Variants in LRMDA observed in about 807,000 individuals in gnomAD.
LRMDA encodes leucine-rich melanocyte differentiation-associated protein.
LRMDA carries 18 observed loss-of-function variants against 29.8 expected under a neutral mutation model. The observed-to-expected ratio is 0.60, with a 90% CI of 0.42 to 0.90. The LOEUF is 0.90. LRMDA is among the 40% of genes least tolerant of loss of function. The probability of loss-of-function intolerance (pLI) is 0.00; values close to 1 mark genes in which losing one functional copy is unlikely to be tolerated. For missense variants in LRMDA, 273 were observed against 273.9 expected (o/e 1.00, Z 0.02); for synonymous variants, 125 against 109.4 (o/e 1.14, Z -0.89).
intron 5 of LRMDA, among the ~76,000 whole-genome samples, chr10:76,264,204 G>A (rs564025369): frequency 6.6e-6 from 1 of 152,032 alleles, no homozygotes; most frequent in East Asian, 1.9e-4. Flanking sequence ...TTCAAGACCA[G>A]CCTGGCCAAC....
At chr10:75,456,519 A>C (rs1241462645) in intron 2 of LRMDA, among the ~76,000 whole-genome samples, 8 of 152,104 alleles carry the variant, frequency 5.3e-5, no homozygotes. Flanking sequence ...CCTTTGCAGA[A>C]ACTCTGTCTC....
At chr10:76,086,005 C>T (rs1849128147) in intron 5 of LRMDA, among the ~76,000 whole-genome samples, 1 of 152,208 alleles carries the variant, frequency 6.6e-6, no homozygotes. Context: ...CTCTTCTGCA[C>T]CACCCCCCGC....
intron 2 of LRMDA, among the ~76,000 whole-genome samples, chr10:75,745,994 C>G (rs138559601): frequency 6.4e-4 from 97 of 152,324 alleles, no homozygotes; most frequent in African/African-American, 2.3e-3. Flanking sequence ...AGCCTGGCTT[C>G]TCACTAGAAA....
chr10:76,381,840 A>C (rs1841596584), intron 6 of LRMDA, among the ~76,000 whole-genome samples: 1 of 152,158 alleles, frequency 6.6e-6, no homozygotes, highest in South Asian at 2.1e-4. Flanking sequence ...GGATGGATTG[A>C]GAAGTAGAGA....
chr10:75,496,987 CT>C (rs111856236), intron 2 of LRMDA, among the ~76,000 whole-genome samples: 74 of 145,712 alleles, frequency 5.1e-4, no homozygotes, highest in Middle Eastern at 3.5e-3. Flanking sequence ...CCTGGCCTAG[CT>C]TTTTTTTTTT....
At chr10:75,606,905 T>C (rs1840963336) in intron 2 of LRMDA, among the ~76,000 whole-genome samples, 2 of 152,214 alleles carry the variant, frequency 1.3e-5, no homozygotes. Flanking sequence ...AAGGATGTTA[T>C]GATAATCCAA....
chr10:76,422,878 G>A (rs935114261), intron 6 of LRMDA, among the ~76,000 whole-genome samples: 1 of 152,160 alleles, frequency 6.6e-6, no homozygotes, highest in Non-Finnish European at 1.5e-5. Context: ...TGGATTTATA[G>A]CAATTTACTT....
At chr10:76,051,388 G>A (rs1848529484) in intron 4 of LRMDA, among the ~76,000 whole-genome samples, 1 of 152,240 alleles carries the variant, frequency 6.6e-6, no homozygotes, top group Non-Finnish European at 1.5e-5. Context: ...TGCTGCCGGT[G>A]AACTGTGAGG....
intron 2 of LRMDA, among the ~76,000 whole-genome samples, chr10:75,640,333 G>C (rs560987708): frequency 6.6e-6 from 1 of 152,098 alleles, no homozygotes; most frequent in South Asian, 2.1e-4. Context: ...TCTTAAATCT[G>C]CATTTATGGA....
chr10:75,807,725 G>A (rs1589213407), intron 2 of LRMDA, among the ~76,000 whole-genome samples: 2 of 152,264 alleles, frequency 1.3e-5, no homozygotes, highest in South Asian at 4.1e-4. Flanking sequence ...GAATGCTGAG[G>A]CTTTGCAGTA....
At chr10:76,466,665 G>A (rs547508713) in intron 6 of LRMDA, among the ~76,000 whole-genome samples, 2 of 152,118 alleles carry the variant, frequency 1.3e-5, no homozygotes, top group Non-Finnish European at 2.9e-5. Flanking sequence ...GCATGGTGGT[G>A]TGTGCCTGTA....
intron 2 of LRMDA, among the ~76,000 whole-genome samples, chr10:75,734,337 A>C (rs1239652425): frequency 1.3e-5 from 2 of 152,178 alleles, no homozygotes; most frequent in African/African-American, 2.4e-5. Context: ...ACCATTTAGG[A>C]ATGAAGCAGA....
chr10:76,467,851 A>G (rs1445237058), intron 6 of LRMDA, among the ~76,000 whole-genome samples: 3 of 152,130 alleles, frequency 2.0e-5, no homozygotes, highest in African/African-American at 4.8e-5. Flanking sequence ...CCAAGCTTTT[A>G]CTGGCTCCCT....
intron 2 of LRMDA, among the ~76,000 whole-genome samples, chr10:75,682,989 A>G (rs12251827): frequency 0.04 from 6,021 of 152,264 alleles, 308 homozygotes; most frequent in African/African-American, 0.12. Flanking sequence ...TAAAACTTTC[A>G]TCTGCTTTAA....
intron 2 of LRMDA, among the ~76,000 whole-genome samples, chr10:75,724,553 G>A (rs1206901997): frequency 2.6e-5 from 4 of 152,110 alleles, no homozygotes; most frequent in South Asian, 2.1e-4. Context: ...AAGCAATGGC[G>A]TGGTGCAGGG....
intron 6 of LRMDA, among the ~76,000 whole-genome samples, chr10:76,382,790 G>C (rs554009061): frequency 6.6e-6 from 1 of 152,226 alleles, no homozygotes; most frequent in South Asian, 2.1e-4. Flanking sequence ...ATCTGGAAGG[G>C]GAGTTTCTGC....
At chr10:76,510,713 C>T (rs545908870) in intron 6 of LRMDA, among the ~76,000 whole-genome samples, 6 of 152,250 alleles carry the variant, frequency 3.9e-5, no homozygotes, top group East Asian at 1.9e-4. Context: ...ATAGATGCCT[C>T]GTGATCGCTG....
At chr10:75,720,526 G>A (rs183340285) in intron 2 of LRMDA, among the ~76,000 whole-genome samples, 263 of 152,280 alleles carry the variant, frequency 1.7e-3, no homozygotes, top group Middle Eastern at 3.4e-3. Context: ...AAATGCCTTC[G>A]AAGTTTACTT....
At chr10:76,062,188 G>A (rs1476878324) in intron 5 of LRMDA, among the ~76,000 whole-genome samples, 2 of 152,184 alleles carry the variant, frequency 1.3e-5, no homozygotes, top group African/African-American at 4.8e-5. Flanking sequence ...ATCTCAAGCT[G>A]GCTCCTGTCC....
Sources: gnomAD v4.1 joint callset for allele counts (sites outside exome capture counted in the v4.1 genomes callset) on GRCh38, gnomAD v4.1.1 for gene constraint, MANE v1.5 for transcripts, NCBI Gene and HGNC (gene_info 2026-07-23, HGNC 2026-07-21) for gene names.